The following CDC27 variants were observed in gnomAD, a reference collection of about 807,000 sequenced individuals.
The protein encoded by CDC27 is cell division cycle 27.
A neutral mutation model predicts 109.7 loss-of-function variants in CDC27; 27 were observed. The ratio of observed to expected loss-of-function variants is 0.25; its 90% CI spans 0.18 to 0.34. The LOEUF is 0.34. Ranked by LOEUF, CDC27 falls within the 10% of genes least tolerant of loss-of-function variation. The pLI, the probability that CDC27 is intolerant of heterozygous loss-of-function variation, is 1.00. For synonymous variants in CDC27, 266 were observed against 333.9 expected (o/e 0.80, Z 2.22); for missense variants, 579 against 960.2 (o/e 0.60, Z 5.25).
At chr17:47,187,234 G>A (rs1208154262) in intron 1 of CDC27, among the ~76,000 whole-genome samples, 1 of 152,114 alleles carries the variant, frequency 6.6e-6, no homozygotes, top group Non-Finnish European at 1.5e-5. Context: ...AGGACAAACA[G>A]GAAACCTGAT....
intron 1 of CDC27, 71 bp downstream of exon 1, chr17:47,189,075 G>T (rs1271692175): frequency 2.0e-5 from 31 of 1,550,938 alleles, no homozygotes; most frequent in Non-Finnish European, 2.8e-5. Flanking sequence ...ACCAGGCCGC[G>T]GAGTGGCCCT....
At chr17:47,157,571 G>T (rs1044253193) in intron 5 of CDC27, among the ~76,000 whole-genome samples, 187 bp from the exon 6 acceptor site, 2 of 128,436 alleles carry the variant, frequency 1.6e-5, no homozygotes, top group African/African-American at 5.6e-5. Flanking sequence ...AAGTTTACCA[G>T]TAAGATAAAG....
intron 7 of CDC27, among the ~76,000 whole-genome samples, chr17:47,156,492 G>C (rs922689374): frequency 4.0e-5 from 6 of 151,008 alleles, no homozygotes; most frequent in African/African-American, 1.2e-4. Context: ...CTGTCGCCCA[G>C]GATGGAGTGT....
intron 9 of CDC27, among the ~76,000 whole-genome samples, chr17:47,147,021 C>T (rs924710263): frequency 2.6e-5 from 4 of 152,120 alleles, no homozygotes; most frequent in African/African-American, 4.8e-5. Flanking sequence ...TATAATCACA[C>T]CACTGTACTC....
intron 8 of CDC27, 50 bp downstream of exon 8, chr17:47,154,622 A>T (rs770531935): frequency 1.5e-4 from 143 of 942,194 alleles, no homozygotes; most frequent in Non-Finnish European, 2.2e-4. Context: ...AGATTGAAAT[A>T]AACAAGTTGC....
intron 16 of CDC27, among the ~76,000 whole-genome samples, chr17:47,124,669 G>A (rs1187208078): frequency 1.3e-5 from 2 of 152,136 alleles, no homozygotes; most frequent in Non-Finnish European, 2.9e-5. Context: ...TAACATTTTT[G>A]CAAGTCTCTG....
Position 47,151,865 on chromosome 17 carries a change from T to C in CDC27, c.1011A>G (p.Gly337=), listed in dbSNP as rs576964439. The change falls in exon 9 of 19, where the codon GGA becomes GGG. Residue 337 remains glycine, a synonymous_variant. Coordinates refer to ENST00000066544, the MANE Select transcript of CDC27 (RefSeq NM_001256.6). The part of the protein sequence containing the change: ...TGTKSVFSQS[G]NSREVTPILA... ...GAATTGGAGTTACCTCTCGGCTATT[T>C]CCACTCTGTGAGAAGACAGACTTTG... 1 of 1,606,706 alleles carries C rather than the reference T, an allele frequency of 6.2e-7. No individual in the cohort carries two copies. Among genetic ancestry groups the C allele is most frequent in the South Asian group, 1.1e-5 (1 of 89,044 alleles).
intron 4 of CDC27, among the ~76,000 whole-genome samples, chr17:47,162,665 G>A (rs947471890): frequency 2.6e-5 from 4 of 152,232 alleles, no homozygotes; most frequent in African/African-American, 9.6e-5. Flanking sequence ...AAATATTCTG[G>A]AAAAGTAAGA....
rs900276803 is a variant in CDC27, at chr17:47,118,215, C to T, written c.*2720G>A. ...TCCAAACTTTTTTCTTCAAAAAGAG[C>T]ATTTTTAATAGACTAAATACTGGTT... On this transcript the variant is annotated 3_prime_UTR_variant, in exon 19 of 19. Transcript: ENST00000066544. 6.6e-6 allele frequency: 1 copy of T among 152,100 alleles called. No individual in the cohort carries two copies. Among genetic ancestry groups the T allele is most frequent in the African/African-American group, 2.4e-5 (1 of 41,422 alleles). 9.4% of individuals were successfully genotyped at this position (152,100 alleles called of 1,614,324 possible).
intron 9 of CDC27, among the ~76,000 whole-genome samples, chr17:47,147,274 CTG>C (rs1465152106): frequency 1.3e-5 from 2 of 151,682 alleles, no homozygotes; most frequent in African/African-American, 4.8e-5. Context: ...TGGCGCGCGC[CTG>C]TAGTCCCAGC....
intron 7 of CDC27, chr17:47,155,008 C>A: frequency 2.7e-6 from 1 of 371,666 alleles, no homozygotes; most frequent in Non-Finnish European, 4.8e-6. Flanking sequence ...AACTGAGCAA[C>A]AATTACTGAT....
At chr17:47,166,505 T>C (rs989871398) in intron 4 of CDC27, among the ~76,000 whole-genome samples, 3 of 152,184 alleles carry the variant, frequency 2.0e-5, no homozygotes, top group African/African-American at 7.2e-5. Flanking sequence ...CTTTCTTTTT[T>C]GGGGTCACTT....
intron 10 of CDC27, among the ~76,000 whole-genome samples, chr17:47,143,384 A>G (rs1210587206): frequency 5.3e-5 from 8 of 152,232 alleles, no homozygotes; most frequent in Non-Finnish European, 2.9e-5. Context: ...TTAGTACAAT[A>G]TTATCAGCTA....
intron 9 of CDC27, among the ~76,000 whole-genome samples, chr17:47,146,823 G>A (rs137957553): frequency 1.1e-4 from 17 of 152,158 alleles, no homozygotes; most frequent in African/African-American, 3.6e-4. Flanking sequence ...CCAACAACTC[G>A]GGTGGGTGAG....
intron 16 of CDC27, among the ~76,000 whole-genome samples, chr17:47,127,401 T>A (rs2062176215): frequency 6.6e-6 from 1 of 152,148 alleles, no homozygotes. Flanking sequence ...TTTATTAGCC[T>A]ATTTTTACGT....
At chr17:47,132,440 A>C (rs1294742496) in intron 14 of CDC27, 66 bp from the exon 15 acceptor site, 2 of 708,626 alleles carry the variant, frequency 2.8e-6, no homozygotes, top group African/African-American at 1.8e-5. Context: ...TAGTTCAATT[A>C]GTAAAAGAAC....
chr17:47,138,536 G>A (rs2062692876), intron 13 of CDC27, among the ~76,000 whole-genome samples: 1 of 152,128 alleles, frequency 6.6e-6, no homozygotes, highest in Non-Finnish European at 1.5e-5. Context: ...TGAAATAGCT[G>A]CTTTGTGATT....
At chr17:47,129,936 T>TATTC (rs1475815345) in intron 15 of CDC27, among the ~76,000 whole-genome samples, 2 of 152,202 alleles carry the variant, frequency 1.3e-5, no homozygotes, top group Non-Finnish European at 2.9e-5. Flanking sequence ...AGCCAGATAA[T>TATTC]ATTCACATTT....
At chr17:47,188,301 G>C (rs1271216179) in intron 1 of CDC27, among the ~76,000 whole-genome samples, 1 of 152,160 alleles carries the variant, frequency 6.6e-6, no homozygotes, top group Non-Finnish European at 1.5e-5. Flanking sequence ...TTCTCCAGAT[G>C]TCAGGGGGGA....
Sources: allele counts gnomAD v4.1 joint callset (sites outside exome capture counted in the v4.1 genomes callset), GRCh38; gene constraint gnomAD v4.1.1; transcripts MANE v1.5; gene names NCBI Gene and HGNC (gene_info 2026-07-23, HGNC 2026-07-21).